Variants in ADAMTSL3 observed in about 807,000 individuals in gnomAD.
The protein encoded by ADAMTSL3 is ADAMTS-like protein 3.
In ADAMTSL3, 128 loss-of-function variants were observed where a neutral mutation model predicts 201.7. The ratio of observed to expected loss-of-function variants is 0.63; its 90% confidence interval spans 0.55 to 0.73. The LOEUF (loss-of-function observed/expected upper bound fraction) is 0.73, where lower values mean the gene tolerates loss of function less well. Ranked by LOEUF, ADAMTSL3 falls within the 30% of genes least tolerant of loss-of-function variation. ADAMTSL3 has a pLI of 0.00. For missense variants in ADAMTSL3, 1,990 were observed against 2,119.6 expected, an observed-to-expected ratio of 0.94 and a Z score of 1.20; for synonymous variants, 738 against 748.4, an observed-to-expected ratio of 0.99 and a Z score of 0.23.
chr15:83,950,983 C>A (rs2066745869), intron 19 of ADAMTSL3, among the ~76,000 whole-genome samples: 1 of 150,774 alleles, frequency 6.6e-6, no homozygotes, highest in African/African-American at 2.4e-5. Flanking sequence ...AATTTGGATG[C>A]CCTTTATTTC....
chr15:83,888,626 T>C (rs1477858871), intron 10 of ADAMTSL3, among the ~76,000 whole-genome samples: 1 of 152,238 alleles, frequency 6.6e-6, no homozygotes, highest in Non-Finnish European at 1.5e-5. Context: ...TGGACTTTCC[T>C]AGTCCCGTCT....
chr15:83,860,340 A>T lies in ADAMTSL3; in HGVS notation c.802+1500A>T, dbSNP rs150026828. On this transcript the variant is annotated intron_variant, in intron 8 of 29. Transcript: ENST00000286744. ...TTATCAGTGAATATGGCCGATCAGA[A>T]CAAGCCTTGCTGCTAGCACATCACA... 2.7e-4 allele frequency among the ~76,000 whole-genome samples: 41 copies of T among 152,344 alleles called. 1 individual carries two copies. In the East Asian group the frequency reaches 7.7e-3, roughly 29 times the overall value.
In ADAMTSL3 at chr15:83,722,158, G is replaced by A. The variant is rs193109427; in HGVS notation, c.189+17650G>A. 2.3e-3 allele frequency among the ~76,000 whole-genome samples: 353 copies of A among 152,294 alleles called. 2 individuals are homozygous for A. Among genetic ancestry groups the A allele is most frequent in the African/African-American group, 8.0e-3 (334 of 41,560 alleles). On this transcript the variant is annotated intron_variant, in intron 3 of 29. Transcript: ENST00000286744. The stretch of plus-strand genomic sequence containing the variant: ...TAGTTTCCAAATGAAATCAAGAGGC[G>A]GGAGATGCTGGATTCAGCAGAGAAT...
chr15:83,858,988 TTAC>T (rs2064799834), intron 8 of ADAMTSL3, 148 bp downstream of exon 8: 1 of 636,570 alleles, frequency 1.6e-6, no homozygotes, highest in Non-Finnish European at 2.7e-6. Flanking sequence ...TTGCGTCCAC[TTAC>T]TTGGCACAGC....
intron 7 of ADAMTSL3, among the ~76,000 whole-genome samples, chr15:83,857,472 T>G (rs74024587): frequency 0.011 from 1,701 of 152,330 alleles, 34 homozygotes; most frequent in African/African-American, 0.037. Flanking sequence ...TTCTTATCAT[T>G]ACTTTTATCA....
chr15:83,685,818 A>G (rs926225918), intron 2 of ADAMTSL3, among the ~76,000 whole-genome samples: 2 of 152,164 alleles, frequency 1.3e-5, no homozygotes, highest in African/African-American at 2.4e-5. Flanking sequence ...CATCTAGTAG[A>G]TGCCTGGCAT....
intron 8 of ADAMTSL3, among the ~76,000 whole-genome samples, chr15:83,863,247 A>G (rs1306437236): frequency 6.6e-6 from 1 of 152,156 alleles, no homozygotes; most frequent in African/African-American, 2.4e-5. Flanking sequence ...CAGGAATTGA[A>G]CTCAGCTCTG....
chr15:83,751,294 T>C (rs1292680922), intron 3 of ADAMTSL3, among the ~76,000 whole-genome samples: 5 of 152,188 alleles, frequency 3.3e-5, no homozygotes, highest in Non-Finnish European at 5.9e-5. Flanking sequence ...TTTTATATTA[T>C]TATGGACAAA....
intron 2 of ADAMTSL3, among the ~76,000 whole-genome samples, chr15:83,697,218 C>T (rs565363796): frequency 2.0e-5 from 3 of 152,282 alleles, no homozygotes; most frequent in Non-Finnish European, 2.9e-5. Context: ...CTTCCCATTA[C>T]ATCAATCTGA....
chr15:83,970,667 GAT>G (rs753974977), intron 20 of ADAMTSL3, 30 bp downstream of exon 20: 36 of 1,610,734 alleles, frequency 2.2e-5, no homozygotes, highest in Non-Finnish European at 2.9e-5. Flanking sequence ...GCTTCACCAA[GAT>G]ATGCTGATTC....
At chr15:84,011,414 A>G (rs1401977227) in intron 23 of ADAMTSL3, among the ~76,000 whole-genome samples, 2 of 152,224 alleles carry the variant, frequency 1.3e-5, no homozygotes, top group African/African-American at 4.8e-5. Flanking sequence ...GAAAAATGCT[A>G]TAGACTGAGT....
rs892614102 is a variant in ADAMTSL3 at position 83,873,717 on chromosome 15, A to G, written c.960+2758A>G. On this transcript the variant is annotated intron_variant, in intron 9 of 29. Coordinates refer to ENST00000286744, the MANE Select transcript of ADAMTSL3 (RefSeq NM_207517.3). ...ATAAAACTCATTTTCCTCATCAAAC[A>G]GTGGTAATACACTTTTGCAAATGTT... 2.8e-5 allele frequency among the ~76,000 whole-genome samples: 4 copies of G among 145,390 alleles called. 1 individual carries two copies. Among genetic ancestry groups the G allele is most frequent in the African/African-American group, 1.1e-4 (4 of 38,026 alleles).
chr15:83,949,847 A>T (rs2066726616), intron 19 of ADAMTSL3, among the ~76,000 whole-genome samples: 1 of 151,880 alleles, frequency 6.6e-6, no homozygotes, highest in South Asian at 2.1e-4. Flanking sequence ...CCCATTTTTA[A>T]ACTGGATTAT....
In ADAMTSL3 at chr15:83,923,962, C is replaced by G. The variant is rs747155286; in HGVS notation, c.2046C>G (p.Asp682Glu). 6.2e-7 allele frequency: 1 copy of G among 1,614,118 alleles called. No homozygotes were observed. The highest frequency in any genetic ancestry group is 8.5e-7 in the Non-Finnish European group (1 of 1,179,992). ...LHIQTQQTVN[D>E]SLCDMVHRPP... ...TCCAGACCCAGCAGACAGTCAATGA[C>G]AGCTTGTGTGATATGGTCCACCGTC... is the stretch of plus-strand genomic sequence containing the variant. The change falls in exon 17 of 30, where the codon GAC (aspartate) becomes GAG (glutamate). Residue 682 changes from aspartate to glutamate, a missense_variant. Asp to Glu is a conservative substitution (Grantham distance 45). Transcript: ENST00000286744.
intron 6 of ADAMTSL3, among the ~76,000 whole-genome samples, chr15:83,828,301 G>T (rs2064071890): frequency 6.6e-6 from 1 of 152,180 alleles, no homozygotes; most frequent in African/African-American, 2.4e-5. Context: ...GTGAATGGGA[G>T]TTCACTCATG....
At chr15:83,710,603 G>A (rs1369588877) in intron 3 of ADAMTSL3, among the ~76,000 whole-genome samples, 2 of 152,102 alleles carry the variant, frequency 1.3e-5, no homozygotes, top group African/African-American at 4.8e-5. Flanking sequence ...TGTTTGTAAA[G>A]TCCTAAGGCC....
chr15:83,683,862 T>G (rs1056297855), intron 2 of ADAMTSL3, among the ~76,000 whole-genome samples: 79 of 152,314 alleles, frequency 5.2e-4, no homozygotes, highest in African/African-American at 1.8e-3. Context: ...TACAGCTGTG[T>G]TTTTCCCTAA....
chr15:83,879,697 T>G (rs1361030704), intron 9 of ADAMTSL3, among the ~76,000 whole-genome samples: 1 of 152,224 alleles, frequency 6.6e-6, no homozygotes, highest in Non-Finnish European at 1.5e-5. Flanking sequence ...GTGTGTAGTC[T>G]TCTGTTGTTG....
chr15:83,932,518 A>G lies in ADAMTSL3; in HGVS notation c.2117+8485A>G, dbSNP rs185671991. ...AAAGCCAGGGTCTACCTCAATGGAA[A>G]GGCAAATTCAAAAAATGAAATCCAT... On this transcript the variant is annotated intron_variant, in intron 17 of 29. Coordinates refer to ENST00000286744, the MANE Select transcript of ADAMTSL3 (RefSeq NM_207517.3). 2.6e-5 allele frequency among the ~76,000 whole-genome samples: 4 copies of G among 152,332 alleles called. No homozygotes were observed. In the East Asian group the frequency reaches 7.7e-4, roughly 29 times the overall value.
Sources: allele counts gnomAD v4.1 joint callset (sites outside exome capture counted in the v4.1 genomes callset), GRCh38; gene constraint gnomAD v4.1.1; transcripts MANE v1.5; gene names NCBI Gene and HGNC (gene_info 2026-07-23, HGNC 2026-07-21).